The following STPG2 variants were observed in gnomAD, a reference collection of about 807,000 sequenced individuals.
STPG2 encodes the protein sperm-tail PG-rich repeat-containing protein 2.
A neutral mutation model predicts 54.2 loss-of-function variants in STPG2; 56 were observed. The ratio of observed to expected loss-of-function variants is 1.03; its 90% CI spans 0.83 to 1.29. The LOEUF (loss-of-function observed/expected upper bound fraction) is 1.29, where lower values mean the gene tolerates loss of function less well. Among genes scored for constraint, STPG2 ranks in the 50% most tolerant of loss-of-function variants. The probability of loss-of-function intolerance (pLI) is 0.00; values close to 1 mark genes in which losing one functional copy is unlikely to be tolerated. For missense variants in STPG2, 596 were observed against 544.9 expected (o/e 1.09, Z -0.93); for synonymous variants, 200 against 181.8 (o/e 1.10, Z -0.81).
At chr4:97,669,772 CG>C (rs1560711161) in intron 10 of STPG2, among the ~76,000 whole-genome samples, 1 of 26,302 alleles carries the variant, frequency 3.8e-5, no homozygotes, top group African/African-American at 2.1e-4. Context: ...GTCCGCAGTC[CG>C]GCCTGGGCAA....
intron 8 of STPG2, among the ~76,000 whole-genome samples, chr4:97,933,197 C>T (rs1373404190): frequency 6.6e-6 from 1 of 151,774 alleles, no homozygotes; most frequent in Non-Finnish European, 1.5e-5. Flanking sequence ...TGTCCTTTGC[C>T]CACTTTTTGA....
At chr4:97,506,375 C>G (rs1006278678) in intron 4 of STPG2, among the ~76,000 whole-genome samples, 3 of 151,676 alleles carry the variant, frequency 2.0e-5, no homozygotes, top group African/African-American at 7.3e-5. Context: ...ATTGGAGGCG[C>G]CGACCTGAAC....
At chr4:97,870,842 C>CTGAACTTTACAGTTGAA (rs1729956751) in intron 8 of STPG2, among the ~76,000 whole-genome samples, 1 of 151,024 alleles carries the variant, frequency 6.6e-6, no homozygotes, top group African/African-American at 2.4e-5. Context: ...AACTTTACAG[C>CTGAACTTTACAGTTGAA]CTGATACTCT....
chr4:97,608,439 A>G (rs933874492), intron 10 of STPG2, among the ~76,000 whole-genome samples: 15 of 152,026 alleles, frequency 9.9e-5, no homozygotes, highest in Non-Finnish European at 7.4e-5. Flanking sequence ...GAATCGCTGC[A>G]TCCTTGCTGT....
chr4:97,615,280 T>A (rs561042193), intron 10 of STPG2, among the ~76,000 whole-genome samples: 1 of 152,306 alleles, frequency 6.6e-6, no homozygotes, highest in South Asian at 2.1e-4. Context: ...TTTATTTGAA[T>A]GTATTTTTTT....
intron 8 of STPG2, among the ~76,000 whole-genome samples, chr4:97,873,252 A>C (rs1467668613): frequency 1.4e-5 from 2 of 146,506 alleles, no homozygotes; most frequent in Non-Finnish European, 3.0e-5. Context: ...TTCCACATTT[A>C]TAACTCCTTT....
In STPG2 at chr4:98,143,301, G is replaced by T; in HGVS notation, c.-151C>A. On this transcript the variant is annotated 5_prime_UTR_variant, in exon 1 of 11. Coordinates refer to ENST00000295268, the MANE Select transcript of STPG2 (RefSeq NM_174952.3). Reference sequence around the variant, plus strand: ...AAACAGGGAAATTAGGGGTGGGGTTGTCTCCCCGCCCGCTCATTGATACCA... The same window carrying T: ...AAACAGGGAAATTAGGGGTGGGGTTTTCTCCCCGCCCGCTCATTGATACCA... The T allele has an allele frequency of 1.7e-6, 1 of 604,018 alleles. No individual in the cohort carries two copies. The highest frequency in any genetic ancestry group is 2.9e-6 in the Non-Finnish European group (1 of 340,390). The allele number at this position is 604,018 out of a possible 1,614,324, so 37.4% of individuals were successfully genotyped here.
chr4:98,133,620 A>G (rs1578186908), intron 2 of STPG2, among the ~76,000 whole-genome samples: 1 of 152,082 alleles, frequency 6.6e-6, no homozygotes, highest in East Asian at 1.9e-4. Flanking sequence ...AAGTTGAACA[A>G]AAAGTAAAAT....
At chr4:97,717,096 C>T (rs1724313074) in intron 9 of STPG2, among the ~76,000 whole-genome samples, 1 of 152,058 alleles carries the variant, frequency 6.6e-6, no homozygotes. Context: ...TAATGCTCTT[C>T]CACTACCTCT....
At chr4:97,541,853 A>G (rs11947852) in intron 4 of STPG2, among the ~76,000 whole-genome samples, 2,612 of 152,330 alleles carry the variant, frequency 0.017, 68 homozygotes, top group African/African-American at 0.058. Context: ...CAAATCTGAC[A>G]AAAACAAGAA....
intron 4 of STPG2, among the ~76,000 whole-genome samples, chr4:98,108,848 A>C (rs925524093): frequency 3.3e-5 from 5 of 151,974 alleles, no homozygotes; most frequent in African/African-American, 1.2e-4. Context: ...AGATAGCACA[A>C]GATTTGGCTT....
intron 9 of STPG2, among the ~76,000 whole-genome samples, chr4:97,742,112 GA>G (rs977706226): frequency 1.3e-5 from 2 of 150,254 alleles, no homozygotes; most frequent in African/African-American, 2.4e-5. Flanking sequence ...ACTATCGCAA[GA>G]AAAAAAAACC....
chr4:97,547,305 G>A (rs1347348960), intron 4 of STPG2, among the ~76,000 whole-genome samples: 2 of 151,952 alleles, frequency 1.3e-5, no homozygotes, highest in Non-Finnish European at 2.9e-5. Flanking sequence ...CCGCCTCCTG[G>A]GTTCACACCA....
chr4:97,967,688 A>T (rs1734158702), intron 7 of STPG2, among the ~76,000 whole-genome samples: 1 of 152,190 alleles, frequency 6.6e-6, no homozygotes, highest in Non-Finnish European at 1.5e-5. Context: ...TCAAATTAGA[A>T]CTCAGGATTA....
At chr4:97,448,534 A>C (rs1038315515) in intron 4 of STPG2, among the ~76,000 whole-genome samples, 5 of 152,072 alleles carry the variant, frequency 3.3e-5, no homozygotes, top group African/African-American at 9.7e-5. Context: ...TGATTTTATA[A>C]GTGTTTGGCA....
intron 4 of STPG2, among the ~76,000 whole-genome samples, chr4:97,537,204 A>T (rs1190889229): frequency 1.3e-5 from 2 of 152,140 alleles, no homozygotes; most frequent in African/African-American, 4.8e-5. Context: ...GGTGCAGGAC[A>T]GTGGGTGCAG....
In STPG2 at chr4:97,624,398, G is replaced by T. The variant is rs1734087613; in HGVS notation, c.1321-65281C>A. ...ACTGATGTTGAGATTTTTTTCATAT[G>T]TGTGTTGGCCGCATAAATGTCTTCT... On this transcript the variant is annotated intron_variant, in intron 10 of 10. Coordinates refer to ENST00000295268, the MANE Select transcript of STPG2 (RefSeq NM_174952.3). 2.0e-5 allele frequency among the ~76,000 whole-genome samples: 3 copies of T among 152,020 alleles called. No homozygotes were observed. The South Asian group carries it at 6.2e-4, about 32-fold the overall frequency.
chr4:97,664,066 T>C (rs1021175476), intron 10 of STPG2, among the ~76,000 whole-genome samples: 1 of 152,156 alleles, frequency 6.6e-6, no homozygotes, highest in Non-Finnish European at 1.5e-5. Context: ...TATGGTAAAA[T>C]AGAAAATGAT....
At chr4:97,900,061 T>C (rs1731117771) in intron 8 of STPG2, among the ~76,000 whole-genome samples, 1 of 152,122 alleles carries the variant, frequency 6.6e-6, no homozygotes, top group African/African-American at 2.4e-5. Context: ...TATAAGGAAC[T>C]TAAACAAATT....
Sources: gnomAD v4.1 joint callset for allele counts (sites outside exome capture counted in the v4.1 genomes callset) on GRCh38, gnomAD v4.1.1 for gene constraint, MANE v1.5 for transcripts, NCBI Gene and HGNC (gene_info 2026-07-23, HGNC 2026-07-21) for gene names.